The following CACNG5 variants were observed in gnomAD, a reference collection of about 807,000 sequenced individuals.
The protein encoded by CACNG5 is voltage-dependent calcium channel gamma-5 subunit.
CACNG5 carries 18 observed loss-of-function variants against 24.8 expected under a neutral mutation model. That is an observed-to-expected ratio of 0.73 (90% confidence interval 0.50 to 1.08). CACNG5 has a LOEUF of 1.08. CACNG5 is among the 50% of genes least tolerant of loss of function. The pLI, the probability that CACNG5 is intolerant of heterozygous loss-of-function variation, is 0.00. For synonymous variants in CACNG5, 157 were observed against 149.1 expected (o/e 1.05, Z -0.39); for missense variants, 349 against 367.9 (o/e 0.95, Z 0.42).
At position 66,879,005 on chromosome 17, in the gene CACNG5, A is replaced by T; in HGVS notation, c.230A>T (p.Tyr77Phe). The T allele has an allele frequency of 6.2e-7, 1 of 1,613,888 alleles. No homozygotes were observed. Among genetic ancestry groups the T allele is most frequent in the Non-Finnish European group, 8.5e-7 (1 of 1,179,880 alleles). ...CGGGGGCGTTGCTTCACCATAGAAT[A>T]TGTGATGCCCATGAACACCCAGCTG... Reference protein sequence around the residue: ...EERGRCFTIEYVMPMNTQLTS... With the variant: ...EERGRCFTIEFVMPMNTQLTS... Residue 77 changes from tyrosine (Y) to phenylalanine (F), a missense_variant, in exon 3 of 6, where the codon TAT becomes TTT. Transcript: ENST00000533854.
rs1273765602 is a variant in CACNG5 at position 66,885,927 on chromosome 17, G to A, written c.*687G>A. Reference sequence around the variant, plus strand: ...CTAAGGGACTAAGGGTGGCTCTGAGGCCACACTGATGAAGTCACAAAGAGG... The same window carrying A: ...CTAAGGGACTAAGGGTGGCTCTGAGACCACACTGATGAAGTCACAAAGAGG... On this transcript the variant is annotated 3_prime_UTR_variant, in exon 6 of 6. Coordinates refer to ENST00000533854, the MANE Select transcript of CACNG5 (RefSeq NM_145811.3). Among the ~76,000 whole-genome samples the A allele has an allele frequency of 2.0e-5, 3 of 152,216 alleles. No homozygotes were observed. Among genetic ancestry groups the A allele is most frequent in the Admixed American group, 6.5e-5 (1 of 15,286 alleles).
rs1051199064 is a variant in CACNG5, at chr17:66,841,277, C to T, written c.-104+6027C>T. 4.6e-5 allele frequency among the ~76,000 whole-genome samples: 7 copies of T among 152,128 alleles called. No individual in the cohort carries two copies. In the South Asian group the frequency reaches 6.2e-4, roughly 14 times the overall value. The stretch of plus-strand genomic sequence containing the variant: ...ACATTCATTTGAGTTTCTGATTGGC[C>T]GTTCCAAAAGAGGCAATCAGATATG... On this transcript the variant is annotated intron_variant, in intron 1 of 5. Coordinates refer to ENST00000533854, the MANE Select transcript of CACNG5 (RefSeq NM_145811.3).
chr17:66,891,529 G>A lies in CACNG5; in HGVS notation c.*6289G>A, dbSNP rs1181601315. ...TTGTCACTAGAACATCTTTGCACAC[G>A]GTCTCTTCTTAAGGCCTGGTCTTCC... On this transcript the variant is annotated 3_prime_UTR_variant, in exon 6 of 6. Coordinates refer to ENST00000533854, the MANE Select transcript of CACNG5 (RefSeq NM_145811.3). 1.3e-5 allele frequency among the ~76,000 whole-genome samples: 2 copies of A among 152,024 alleles called. No homozygotes were observed. The highest frequency in any genetic ancestry group is 1.5e-5 in the Non-Finnish European group (1 of 68,008).
intron 1 of CACNG5, among the ~76,000 whole-genome samples, chr17:66,855,445 G>A (rs2143058011): frequency 6.6e-6 from 1 of 152,310 alleles, no homozygotes; most frequent in South Asian, 2.1e-4. Flanking sequence ...TTGCCCCTTA[G>A]CTCCAGGAAG....
chr17:66,875,803 A>G (rs1043513254), intron 1 of CACNG5, among the ~76,000 whole-genome samples: 1 of 152,222 alleles, frequency 6.6e-6, no homozygotes, highest in African/African-American at 2.4e-5. Context: ...GGTGCCAGTG[A>G]AAGATGCCGA....
intron 4 of CACNG5, among the ~76,000 whole-genome samples, chr17:66,883,131 C>A (rs113663370): frequency 6.6e-6 from 1 of 152,176 alleles, no homozygotes; most frequent in Non-Finnish European, 1.5e-5. Context: ...TATTGAGCAC[C>A]AGGAATGTTA....
rs1023682056 is a variant in CACNG5 at position 66,888,165 on chromosome 17, T to G, written c.*2925T>G. Among the ~76,000 whole-genome samples, 7 of 149,488 alleles carry G rather than the reference T, an allele frequency of 4.7e-5. No individual in the cohort carries two copies. Among genetic ancestry groups the G allele is most frequent in the Non-Finnish European group, 7.4e-5 (5 of 67,646 alleles). ...AATCTGACATTGGTTCCCCCACACC[T>G]GGAACTTACTACCCTACTTTTTTTT... is the stretch of plus-strand genomic sequence containing the variant. On this transcript the variant is annotated 3_prime_UTR_variant, in exon 6 of 6. Coordinates refer to ENST00000533854, the MANE Select transcript of CACNG5 (RefSeq NM_145811.3).
intron 1 of CACNG5, among the ~76,000 whole-genome samples, chr17:66,863,429 C>A (rs1424702051): frequency 6.6e-6 from 1 of 151,810 alleles, no homozygotes; most frequent in Non-Finnish European, 1.5e-5. Context: ...TGCAGTGGTA[C>A]CATCTTGGCT....
In CACNG5 at chr17:66,891,397, TCTCA is replaced by T. The variant is rs1977342898; in HGVS notation, c.*6162_*6165del. Among the ~76,000 whole-genome samples the T allele has an allele frequency of 1.3e-5, 2 of 152,324 alleles. No individual in the cohort carries two copies. Among genetic ancestry groups the T allele is most frequent in the South Asian group, 4.1e-4 (2 of 4,824 alleles). ...GGTTGGCTGGGCTCAGCAAGGCAGT[TCTCA>T]CTCAGGATCTCCCAGGCAGTTGGAG... On this transcript the variant is annotated 3_prime_UTR_variant, in exon 6 of 6. Transcript: ENST00000533854.
chr17:66,850,475 C>G (rs1327323934), intron 1 of CACNG5, among the ~76,000 whole-genome samples: 1 of 152,130 alleles, frequency 6.6e-6, no homozygotes, highest in East Asian at 1.9e-4. Context: ...GGAGGAAATT[C>G]ACTGTTGGCC....
intron 1 of CACNG5, among the ~76,000 whole-genome samples, chr17:66,865,420 T>C (rs1171516313): frequency 6.6e-6 from 1 of 152,124 alleles, no homozygotes; most frequent in Non-Finnish European, 1.5e-5. Flanking sequence ...GTATCATCAA[T>C]AGTATAGAGC....
At chr17:66,849,284 C>T (rs898242192) in intron 1 of CACNG5, among the ~76,000 whole-genome samples, 1 of 151,948 alleles carries the variant, frequency 6.6e-6, no homozygotes, top group Non-Finnish European at 1.5e-5. Context: ...GAACACTCAT[C>T]CTCTGAGGCA....
intron 1 of CACNG5, among the ~76,000 whole-genome samples, chr17:66,863,561 T>C (rs1192839310): frequency 6.6e-6 from 1 of 152,162 alleles, no homozygotes; most frequent in Admixed American, 6.5e-5. Flanking sequence ...GAGTCAAGGT[T>C]TCACCATGTT....
At position 66,876,310 on chromosome 17, in the gene CACNG5, A is replaced by G. The variant is rs185362633; in HGVS notation, c.-103-920A>G. On this transcript the variant is annotated intron_variant, in intron 1 of 5. Transcript: ENST00000533854. ...GCACCAGGGTATCAGGGATTTTTAG[A>G]CACTTCCTAGGTGATTCTAGATTAC... is the stretch of plus-strand genomic sequence containing the variant. Among the ~76,000 whole-genome samples, 10 of 152,300 alleles carry G rather than the reference A, an allele frequency of 6.6e-5. No homozygotes were observed. In the East Asian group the frequency reaches 1.5e-3, roughly 24 times the overall value.
Position 66,892,794 on chromosome 17 carries a change from C to A in CACNG5, c.*7554C>A, listed in dbSNP as rs1281436836. Among the ~76,000 whole-genome samples, 1 of 152,198 alleles carries A rather than the reference C, an allele frequency of 6.6e-6. No homozygotes were observed. The highest frequency in any genetic ancestry group is 1.5e-5 in the Non-Finnish European group (1 of 68,032). On this transcript the variant is annotated 3_prime_UTR_variant, in exon 6 of 6. Coordinates refer to ENST00000533854, the MANE Select transcript of CACNG5 (RefSeq NM_145811.3). ...AAATTAAACCACATAAGGTGAGTAGCAGCTATTCAATCCATAGCATTTCTC... is the reference window on the plus strand; with the variant it reads ...AAATTAAACCACATAAGGTGAGTAGAAGCTATTCAATCCATAGCATTTCTC...
Position 66,887,738 on chromosome 17 carries a change from G to A in CACNG5, c.*2498G>A, listed in dbSNP as rs909174654. Reference sequence around the variant, plus strand: ...TGTGGACTCAGACATCACTAGGTTCGGTCTTCACTGGCCCTGATGCTGAGC... The same window carrying A: ...TGTGGACTCAGACATCACTAGGTTCAGTCTTCACTGGCCCTGATGCTGAGC... On this transcript the variant is annotated 3_prime_UTR_variant, in exon 6 of 6. Coordinates refer to ENST00000533854, the MANE Select transcript of CACNG5 (RefSeq NM_145811.3). Among the ~76,000 whole-genome samples, 33 of 152,036 alleles carry A rather than the reference G, an allele frequency of 2.2e-4. No homozygotes were observed. The highest frequency in any genetic ancestry group is 7.3e-4 in the African/African-American group (30 of 41,368).
rs1468196308 is a variant in CACNG5 at position 66,888,204 on chromosome 17, A to G, written c.*2964A>G. 3.6e-5 allele frequency among the ~76,000 whole-genome samples: 3 copies of G among 84,444 alleles called. No homozygotes were observed. Among genetic ancestry groups the G allele is most frequent in the African/African-American group, 1.1e-4 (2 of 18,146 alleles). The allele number at this position is 84,444 out of a possible 152,430, so 55.4% of individuals were successfully genotyped here. The stretch of plus-strand genomic sequence containing the variant: ...CTACTTTTTTTTTTTTTTTTTTTTG[A>G]GATGATGTCTTGCTCTGTCACCCAG... On this transcript the variant is annotated 3_prime_UTR_variant, in exon 6 of 6. Transcript: ENST00000533854.
intron 1 of CACNG5, among the ~76,000 whole-genome samples, chr17:66,865,983 G>C (rs1976924477): frequency 6.6e-6 from 1 of 151,968 alleles, no homozygotes; most frequent in Non-Finnish European, 1.5e-5. Context: ...AATTCGTATT[G>C]TTTAATCCAG....
At chr17:66,843,602 G>A (rs1976595418) in intron 1 of CACNG5, among the ~76,000 whole-genome samples, 1 of 152,134 alleles carries the variant, frequency 6.6e-6, no homozygotes. Context: ...ATCTTCCCCT[G>A]TGTTTAAACC....
Sources: allele counts gnomAD v4.1 joint callset (sites outside exome capture counted in the v4.1 genomes callset), GRCh38; gene constraint gnomAD v4.1.1; transcripts MANE v1.5; gene names NCBI Gene and HGNC (gene_info 2026-07-23, HGNC 2026-07-21).